The following KIF16B variants were observed in gnomAD, a reference collection of about 807,000 sequenced individuals.
KIF16B encodes the protein kinesin-like protein KIF16B.
Under a neutral mutation model 156.3 loss-of-function variants are expected in KIF16B, and 98 were observed. The ratio of observed to expected loss-of-function variants is 0.63; its 90% CI spans 0.53 to 0.74. The LOEUF is 0.74. Ranked by LOEUF, KIF16B falls within the 30% of genes least tolerant of loss-of-function variation. KIF16B has a pLI of 0.00. For missense variants in KIF16B, 1,421 were observed against 1,606.5 expected (o/e 0.88, Z 1.97); for synonymous variants, 564 against 583.7 (o/e 0.97, Z 0.49).
At chr20:16,321,823 C>T (rs570197947) in intron 24 of KIF16B, among the ~76,000 whole-genome samples, 1 of 152,030 alleles carries the variant, frequency 6.6e-6, no homozygotes, top group South Asian at 2.1e-4. Flanking sequence ...CTTAAAATGG[C>T]ATCTTTTCCT....
chr20:16,278,472 C>T (rs2328012), intron 25 of KIF16B, among the ~76,000 whole-genome samples: 33,795 of 152,118 alleles, frequency 0.22, 4,417 homozygotes, highest in East Asian at 0.59. Context: ...ATTTAGATGG[C>T]TAATCTTTAC....
At position 16,273,415 on chromosome 20, in the gene KIF16B, T is replaced by A. The variant is rs1323614689; in HGVS notation, c.3796-4A>T. ...TGAAAAAGTCCCTGAGGTATTTCTGTGGAAGAGACAAGAGTTAAGAACATG... is the reference window on the plus strand; with the variant it reads ...TGAAAAAGTCCCTGAGGTATTTCTGAGGAAGAGACAAGAGTTAAGAACATG... On this transcript the variant is annotated splice_region_variant and splice_polypyrimidine_tract_variant and intron_variant, in intron 25 of 25. Coordinates refer to ENST00000354981, the MANE Select transcript of KIF16B (RefSeq NM_024704.5). 3 of 1,613,910 alleles carry A rather than the reference T, an allele frequency of 1.9e-6. No individual in the cohort carries two copies. The highest frequency in any genetic ancestry group is 2.5e-6 in the Non-Finnish European group (3 of 1,179,884).
At chr20:16,355,272 T>C (rs2064416874) in intron 23 of KIF16B, among the ~76,000 whole-genome samples, 1 of 152,160 alleles carries the variant, frequency 6.6e-6, no homozygotes, top group Non-Finnish European at 1.5e-5. Context: ...CCAGCAGCTC[T>C]AGGCTTCCCT....
chr20:16,470,168 G>A (rs2067619428), intron 12 of KIF16B, among the ~76,000 whole-genome samples: 1 of 152,180 alleles, frequency 6.6e-6, no homozygotes, highest in African/African-American at 2.4e-5. Flanking sequence ...ATCAGTGATT[G>A]CCAGGAATTA....
At chr20:16,454,260 A>G (rs938488054) in intron 12 of KIF16B, among the ~76,000 whole-genome samples, 4 of 151,828 alleles carry the variant, frequency 2.6e-5, no homozygotes, top group Non-Finnish European at 4.4e-5. Flanking sequence ...CATATTATTC[A>G]TATTTTCCAT....
intron 7 of KIF16B, 119 bp from the exon 8 acceptor site, chr20:16,506,309 A>G: frequency 1.2e-6 from 1 of 846,526 alleles, no homozygotes. Context: ...ATATTTTTCA[A>G]TTTTATTGTT....
At chr20:16,540,343 A>G (rs879350935) in intron 1 of KIF16B, among the ~76,000 whole-genome samples, 1 of 145,704 alleles carries the variant, frequency 6.9e-6, no homozygotes, top group Non-Finnish European at 1.5e-5. Flanking sequence ...GAAAATAAAC[A>G]TTTCACTGTT....
chr20:16,533,802 G>T (rs1008103363), intron 1 of KIF16B, among the ~76,000 whole-genome samples: 1 of 152,052 alleles, frequency 6.6e-6, no homozygotes, highest in African/African-American at 2.4e-5. Context: ...GTCAATCTAA[G>T]GCTACAGCCA....
intron 25 of KIF16B, among the ~76,000 whole-genome samples, chr20:16,293,506 C>T (rs983759170): frequency 1.3e-5 from 2 of 152,130 alleles, no homozygotes; most frequent in African/African-American, 2.4e-5. Flanking sequence ...TAGAAACTTA[C>T]CTCTCATACA....
rs150142108 is a variant in KIF16B at position 16,363,147 on chromosome 20, A to G, written c.3499-6695T>C. Among the ~76,000 whole-genome samples, 43 of 152,350 alleles carry G rather than the reference A, an allele frequency of 2.8e-4. No homozygotes were observed. In the East Asian group the frequency reaches 3.1e-3, roughly 11 times the overall value. On this transcript the variant is annotated intron_variant, in intron 22 of 25. Transcript: ENST00000354981. ...AAGTGTCTTCTCTGAAGGGTTGTGT[A>G]TAATGCAGATTACAAAATACACTTG...
intron 25 of KIF16B, among the ~76,000 whole-genome samples, chr20:16,279,435 C>T (rs772186527): frequency 4.6e-5 from 7 of 152,098 alleles, no homozygotes; most frequent in Admixed American, 2.0e-4. Flanking sequence ...AGGCTAGGAG[C>T]GAATGATTCC....
At chr20:16,314,235 T>G (rs2063663208) in intron 24 of KIF16B, among the ~76,000 whole-genome samples, 1 of 152,254 alleles carries the variant, frequency 6.6e-6, no homozygotes, top group African/African-American at 2.4e-5. Context: ...TTTTAGGCAG[T>G]GTCTGTTCAA....
intron 25 of KIF16B, among the ~76,000 whole-genome samples, chr20:16,276,790 G>A (rs979486848): frequency 6.6e-6 from 1 of 152,198 alleles, no homozygotes. Context: ...CTTCTCTGAA[G>A]CCCCCTATCA....
chr20:16,518,537 G>A (rs2069221876), intron 3 of KIF16B, among the ~76,000 whole-genome samples: 2 of 152,198 alleles, frequency 1.3e-5, no homozygotes, highest in Admixed American at 1.3e-4. Context: ...TCAACTGGGA[G>A]ATGTTAGGTT....
chr20:16,396,602 A>G (rs1342800946), intron 17 of KIF16B, among the ~76,000 whole-genome samples: 3 of 151,172 alleles, frequency 2.0e-5, no homozygotes, highest in African/African-American at 7.3e-5. Context: ...AGTGGAAGAA[A>G]CAGAGGTATG....
rs116743495 is a variant in KIF16B, at chr20:16,391,632, G to A, written c.1785-9885C>T. Among the ~76,000 whole-genome samples the A allele has an allele frequency of 3.6e-3, 550 of 152,326 alleles. 2 individuals carry two copies. The highest frequency in any genetic ancestry group is 0.013 in the African/African-American group (520 of 41,582). Reference sequence around the variant, plus strand: ...CATCTGGTGCCAACATGAGGGATGAGCCAGGCCACAGGCCAGGAGGGGATG... The same window carrying A: ...CATCTGGTGCCAACATGAGGGATGAACCAGGCCACAGGCCAGGAGGGGATG... On this transcript the variant is annotated intron_variant, in intron 17 of 25. Coordinates refer to ENST00000354981, the MANE Select transcript of KIF16B (RefSeq NM_024704.5).
At position 16,509,018 on chromosome 20, in the gene KIF16B, AAAT is replaced by A. The variant is rs1235339176; in HGVS notation, c.557-921_557-919del. Among the ~76,000 whole-genome samples the A allele has an allele frequency of 3.9e-5, 6 of 152,298 alleles. No homozygotes were observed. In the East Asian group the frequency reaches 1.2e-3, roughly 29 times the overall value. ...AACCAAATGTTACATACCCTTCTAGAAATAACCTATACATACACAAGCAATCAT... is the reference window on the plus strand; with the variant it reads ...AACCAAATGTTACATACCCTTCTAGAAACCTATACATACACAAGCAATCAT... On this transcript the variant is annotated intron_variant, in intron 6 of 25. Transcript: ENST00000354981.
intron 24 of KIF16B, 95 bp from the exon 25 acceptor site, chr20:16,312,513 G>T: frequency 1.1e-6 from 1 of 948,042 alleles, no homozygotes; most frequent in Non-Finnish European, 1.6e-6. Context: ...TCCATGGGGT[G>T]AAAAGAAAGA....
chr20:16,541,824 G>A (rs548648236), intron 1 of KIF16B, among the ~76,000 whole-genome samples: 2 of 152,328 alleles, frequency 1.3e-5, no homozygotes, highest in Non-Finnish European at 2.9e-5. Flanking sequence ...AGGCAGTCCT[G>A]GGGCTAGCGT....
Sources: gnomAD v4.1 joint callset for allele counts (sites outside exome capture counted in the v4.1 genomes callset) on GRCh38, gnomAD v4.1.1 for gene constraint, MANE v1.5 for transcripts, NCBI Gene and HGNC (gene_info 2026-07-23, HGNC 2026-07-21) for gene names.